SCN7A: variants seen among roughly 807,000 people sequenced by gnomAD.
The protein encoded by SCN7A is sodium channel protein type 7 subunit alpha.
A neutral mutation model predicts 155.2 loss-of-function variants in SCN7A; 138 were observed. The observed-to-expected ratio is 0.89, with a 90% CI of 0.77 to 1.02. The LOEUF is 1.02. Among genes scored for constraint, SCN7A ranks in the 50% least tolerant of loss-of-function variants. The pLI is 0.00. For missense variants in SCN7A, 2,058 were observed against 1,986.6 expected (o/e 1.04, Z -0.68); for synonymous variants, 693 against 649.0 (o/e 1.07, Z -1.03).
chr2:166,482,825 T>C (rs1481773023), intron 2 of SCN7A, among the ~76,000 whole-genome samples: 1 of 151,908 alleles, frequency 6.6e-6, no homozygotes, highest in Non-Finnish European at 1.5e-5. Flanking sequence ...TTCTAGATGG[T>C]TGAGTGCAGA....
Position 166,410,311 on chromosome 2 carries a change from T to A in SCN7A, c.3620A>T (p.Asn1207Ile). 1 of 1,543,200 alleles carries A rather than the reference T, an allele frequency of 6.5e-7. No individual in the cohort carries two copies. Residue 1207 changes from asparagine to isoleucine, a missense_variant, in exon 24 of 26, where the codon AAT (asparagine) becomes ATT (isoleucine). Transcript: ENST00000643258. ...TCTCTGTTTAACCGTTATAAAGATA[T>A]TTGAGCCTCCCAGGTAAAGAAAGGA... is the stretch of plus-strand genomic sequence containing the variant. Reference protein sequence around the residue: ...NKHKIKLGGSNIFITVKQRKQ... With the variant: ...NKHKIKLGGSIIFITVKQRKQ...
At position 166,470,773 on chromosome 2, in the gene SCN7A, A is replaced by G. The variant is rs1356503038; in HGVS notation, c.573-67T>C. 3 of 1,400,922 alleles carry G rather than the reference A, an allele frequency of 2.1e-6. No homozygotes were observed. In the South Asian group the frequency reaches 4.3e-5, roughly 20 times the overall value. 86.8% of individuals were successfully genotyped at this position (1,400,922 alleles called of 1,614,324 possible). On this transcript the variant is annotated intron_variant, in intron 6 of 25. Transcript: ENST00000643258. ...CTGTGCTACTTATTCTTGGCTTTTT[A>G]TGGTTATTGAAACTTATTTTTAAAA...
chr2:166,423,452 A>C lies in SCN7A; in HGVS notation c.2854-20T>G. The stretch of plus-strand genomic sequence containing the variant: ...AAAAGCCTGTGGGTAAAAATAAAAA[A>C]ATAAGGATTAGGTGTACAGGTAATT... On this transcript the variant is annotated intron_variant, in intron 18 of 25. Transcript: ENST00000643258. 6.6e-7 allele frequency: 1 copy of C among 1,504,350 alleles called. No homozygotes were observed. The highest frequency in any genetic ancestry group is 8.8e-7 in the Non-Finnish European group (1 of 1,133,832). 93.2% of individuals were successfully genotyped at this position (1,504,350 alleles called of 1,614,324 possible). A position where few individuals can be genotyped will look rare whatever the true frequency, so the allele number is the denominator to read the frequency against.
intron 10 of SCN7A, chr2:166,461,692 T>C (rs931779008): frequency 1.3e-5 from 2 of 152,146 alleles, no homozygotes; most frequent in Admixed American, 6.6e-5. Flanking sequence ...CATAATATCA[T>C]AGGCTTTGAA....
At chr2:166,474,117 T>G in intron 4 of SCN7A, 109 bp downstream of exon 4, 1 of 562,064 alleles carries the variant, frequency 1.8e-6, no homozygotes, top group East Asian at 3.0e-5. Flanking sequence ...TGACCCAACA[T>G]GAGATATAAA....
intron 15 of SCN7A, chr2:166,436,502 C>T (rs1701842590): frequency 3.0e-6 from 1 of 328,548 alleles, no homozygotes; most frequent in South Asian, 2.3e-5. Context: ...TTGGTTACAC[C>T]CTTATTAGCA....
At chr2:166,477,754 T>A in intron 2 of SCN7A, 44 bp from the exon 3 acceptor site, 1 of 1,239,716 alleles carries the variant, frequency 8.1e-7, no homozygotes, top group Non-Finnish European at 1.1e-6. Context: ...TAATAAAACA[T>A]AAAAGTACAA....
rs1701684075 is a variant in SCN7A at position 166,429,257 on chromosome 2, G to A, written c.2610C>T (p.Ser870=). 2.0e-6 allele frequency: 3 copies of A among 1,532,308 alleles called. No homozygotes were observed. The highest frequency in any genetic ancestry group is 1.2e-5 in the South Asian group (1 of 80,036). 94.9% of individuals were successfully genotyped at this position (1,532,308 alleles called of 1,614,324 possible). Residue 870 remains serine, a synonymous_variant, in exon 17 of 26, where the codon AGC becomes AGT. Coordinates refer to ENST00000643258, the MANE Select transcript of SCN7A (RefSeq NM_002976.4). ...GGSKEKIKQS[S]SSECSTVDIA... ...TATCAACAGTACTGCATTCAGATGAGCTAGATTGCTTTATTTTCTAAAAGG... is the reference window on the plus strand; with the variant it reads ...TATCAACAGTACTGCATTCAGATGAACTAGATTGCTTTATTTTCTAAAAGG...
At chr2:166,490,361 C>T (rs1683066567) in intron 1 of SCN7A, among the ~76,000 whole-genome samples, 1 of 152,132 alleles carries the variant, frequency 6.6e-6, no homozygotes, top group African/African-American at 2.4e-5. Context: ...CAGTATTTGT[C>T]TTTCAATGCC....
At chr2:166,419,291 G>A (rs1168741687) in intron 20 of SCN7A, among the ~76,000 whole-genome samples, 1 of 150,880 alleles carries the variant, frequency 6.6e-6, no homozygotes, top group African/African-American at 2.4e-5. Flanking sequence ...GCCCTCTGTA[G>A]TTTACATGTC....
chr2:166,424,045 G>A (rs1042864460), intron 18 of SCN7A, among the ~76,000 whole-genome samples: 6 of 151,986 alleles, frequency 3.9e-5, no homozygotes, highest in African/African-American at 1.4e-4. Flanking sequence ...AAACAGGCAG[G>A]CAGGCTTTCA....
At chr2:166,415,796 T>G (rs1055522585) in intron 21 of SCN7A, among the ~76,000 whole-genome samples, 1 of 152,118 alleles carries the variant, frequency 6.6e-6, no homozygotes, top group Non-Finnish European at 1.5e-5. Flanking sequence ...AAAACATGTG[T>G]GTTTGAACAA....
intron 21 of SCN7A, 62 bp from the exon 22 acceptor site, chr2:166,413,183 T>C (rs1279407611): frequency 2.6e-5 from 26 of 988,674 alleles, no homozygotes; most frequent in South Asian, 4.7e-5. Flanking sequence ...AAAATCTCAG[T>C]CTCTTATTAG....
chr2:166,454,315 T>C (rs564654128), intron 11 of SCN7A, among the ~76,000 whole-genome samples: 12 of 152,336 alleles, frequency 7.9e-5, no homozygotes, highest in Admixed American at 7.2e-4. Context: ...TCATATATAA[T>C]GGGAATACTC....
intron 5 of SCN7A, among the ~76,000 whole-genome samples, chr2:166,472,804 GT>G (rs200013255): frequency 1.3e-5 from 2 of 151,518 alleles, no homozygotes; most frequent in East Asian, 1.9e-4. Context: ...CTCCAGCTTT[GT>G]TTTTTTTGCT....
At chr2:166,441,116 A>T in intron 15 of SCN7A, 1 of 437,800 alleles carries the variant, frequency 2.3e-6, no homozygotes, top group East Asian at 3.4e-5. Context: ...AGGACCTACT[A>T]TATTATCATT....
chr2:166,421,394 A>G (rs1361118657), intron 19 of SCN7A, 97 bp from the exon 20 acceptor site: 1 of 554,452 alleles, frequency 1.8e-6, no homozygotes. Flanking sequence ...GATATATACA[A>G]TAAAAGCTTA....
intron 15 of SCN7A, among the ~76,000 whole-genome samples, chr2:166,435,065 A>G (rs1026954946): frequency 4.6e-5 from 7 of 152,100 alleles, no homozygotes; most frequent in Non-Finnish European, 1.0e-4. Context: ...ATACATTCAT[A>G]TATCTATATA....
At position 166,465,878 on chromosome 2, in the gene SCN7A, G is replaced by A. The variant is rs1244102097; in HGVS notation, c.774C>T (p.Leu258=). The part of the protein sequence containing the change: ...LSIFSLIGMG[L]FMGNLKHKCF... The stretch of plus-strand genomic sequence containing the variant: ...ATTTATGTTTCAAGTTGCCCATGAA[G>A]AGCCCCATCCCAATTAGAGAAAATA... Residue 258 remains leucine, a synonymous_variant, in exon 8 of 26, where the codon CTC becomes CTT. Coordinates refer to ENST00000643258, the MANE Select transcript of SCN7A (RefSeq NM_002976.4). 4 of 1,613,718 alleles carry A rather than the reference G, an allele frequency of 2.5e-6. No individual in the cohort carries two copies. Among genetic ancestry groups the A allele is most frequent in the Non-Finnish European group, 2.5e-6 (3 of 1,179,844 alleles).
Sources: allele counts gnomAD v4.1 joint callset (sites outside exome capture counted in the v4.1 genomes callset), GRCh38; gene constraint gnomAD v4.1.1; transcripts MANE v1.5; gene names NCBI Gene and HGNC (gene_info 2026-07-23, HGNC 2026-07-21).